HSD17B11: variants seen among roughly 807,000 people sequenced by gnomAD.
HSD17B11 encodes the protein estradiol 17-beta-dehydrogenase 11.
A neutral mutation model predicts 27.8 loss-of-function variants in HSD17B11; 22 were observed. The ratio of observed to expected loss-of-function variants is 0.79; its 90% confidence interval spans 0.56 to 1.13. The LOEUF is 1.13. HSD17B11 is among the 50% of genes most tolerant of loss of function. The probability of loss-of-function intolerance (pLI) is 0.00; values close to 1 mark genes in which losing one functional copy is unlikely to be tolerated. For missense variants in HSD17B11, 314 were observed against 351.1 expected (o/e 0.89, Z 0.84); for synonymous variants, 117 against 132.8 (o/e 0.88, Z 0.82).
At chr4:87,337,575 A>G (rs539591358) in intron 6 of HSD17B11, among the ~76,000 whole-genome samples, 4 of 152,320 alleles carry the variant, frequency 2.6e-5, no homozygotes, top group Non-Finnish European at 2.9e-5. Flanking sequence ...CCTTCTTTAC[A>G]GTAGAATAAC....
chr4:87,384,495 G>A (rs113040352), intron 1 of HSD17B11, among the ~76,000 whole-genome samples: 1 of 152,158 alleles, frequency 6.6e-6, no homozygotes, highest in Non-Finnish European at 1.5e-5. Flanking sequence ...ATAAACGGAT[G>A]TGCAAGTAGG....
At chr4:87,356,738 A>G (rs748836768) in intron 5 of HSD17B11, among the ~76,000 whole-genome samples, 2 of 152,236 alleles carry the variant, frequency 1.3e-5, no homozygotes, top group Non-Finnish European at 2.9e-5. Context: ...TTAATCCTTT[A>G]TAATTTTATT....
chr4:87,371,081 G>A (rs1043198416), intron 4 of HSD17B11, among the ~76,000 whole-genome samples: 1 of 151,884 alleles, frequency 6.6e-6, no homozygotes, highest in Non-Finnish European at 1.5e-5. Flanking sequence ...TACAGATGAG[G>A]GAAATGAAGC....
chr4:87,365,229 G>A (rs1303388332), intron 4 of HSD17B11, among the ~76,000 whole-genome samples: 1 of 152,130 alleles, frequency 6.6e-6, no homozygotes, highest in Non-Finnish European at 1.5e-5. Context: ...TATTTATAGT[G>A]TATGTTTATA....
chr4:87,340,108 A>T (rs748060021), intron 6 of HSD17B11, among the ~76,000 whole-genome samples: 1 of 152,196 alleles, frequency 6.6e-6, no homozygotes, highest in Non-Finnish European at 1.5e-5. Context: ...CACAAAACAA[A>T]AGCTCAATGA....
chr4:87,367,473 T>C (rs1464587201), intron 4 of HSD17B11, among the ~76,000 whole-genome samples: 2 of 152,216 alleles, frequency 1.3e-5, no homozygotes, highest in Non-Finnish European at 2.9e-5. Context: ...TTACCTGAGA[T>C]TCCTTATAAA....
intron 4 of HSD17B11, among the ~76,000 whole-genome samples, chr4:87,372,112 A>G (rs1735728376): frequency 6.6e-6 from 1 of 151,928 alleles, no homozygotes; most frequent in Non-Finnish European, 1.5e-5. Context: ...GCGTGGTGGC[A>G]GGCACCTGTA....
At chr4:87,370,755 A>ATTATTTTTT (rs70957229) in intron 4 of HSD17B11, among the ~76,000 whole-genome samples, 2 of 57,534 alleles carry the variant, frequency 3.5e-5, no homozygotes, top group Non-Finnish European at 6.6e-5. Flanking sequence ...TATTATTATT[A>ATTATTTTTT]TTTTTTTTTT....
rs560875844 is a variant in HSD17B11 at position 87,369,794 on chromosome 4, C to T, written c.557+2915G>A. On this transcript the variant is annotated intron_variant, in intron 4 of 6. Transcript: ENST00000358290. The stretch of plus-strand genomic sequence containing the variant: ...AGCTAATGTTCAGAACTCAGTTTTA[C>T]TGAGCGTTCCCATACTGGCAACTTT... 9.2e-5 allele frequency among the ~76,000 whole-genome samples: 14 copies of T among 152,288 alleles called. No individual in the cohort carries two copies. The South Asian group carries it at 2.9e-3, about 32-fold the overall frequency.
intron 2 of HSD17B11, among the ~76,000 whole-genome samples, 160 bp from the exon 3 acceptor site, chr4:87,374,990 T>A (rs1735791183): frequency 6.6e-6 from 1 of 151,646 alleles, no homozygotes; most frequent in South Asian, 2.1e-4. Flanking sequence ...ACCTCCCGGG[T>A]TCAAGAGATT....
chr4:87,375,098 C>T (rs1461298378), intron 2 of HSD17B11, among the ~76,000 whole-genome samples: 1 of 152,080 alleles, frequency 6.6e-6, no homozygotes, highest in East Asian at 1.9e-4. Flanking sequence ...TGGATTTCAC[C>T]ATGTTAGCTA....
At position 87,372,739 on chromosome 4, in the gene HSD17B11, T is replaced by C. The variant is rs748027042; in HGVS notation, c.527A>G (p.His176Arg). The C allele has an allele frequency of 2.2e-5, 35 of 1,613,206 alleles. No individual in the cohort carries two copies. In the East Asian group the frequency reaches 7.8e-4, roughly 36 times the overall value. Residue 176 changes from histidine to arginine, a missense_variant, in exon 4 of 7, where the codon CAT becomes CGT. By Grantham distance (29) the His-to-Arg change is conservative. Coordinates refer to ENST00000358290, the MANE Select transcript of HSD17B11 (RefSeq NM_016245.5). ...AGCCAGTAAGAAGGGGACCGAGACA[T>C]GTCCAGCTGCCGAAGCCACAGTGAC... Reference protein sequence around the residue: ...HIVTVASAAGHVSVPFLLAYC... With the variant: ...HIVTVASAAGRVSVPFLLAYC...
intron 5 of HSD17B11, among the ~76,000 whole-genome samples, chr4:87,353,598 T>C (rs542112763): frequency 6.6e-6 from 1 of 152,292 alleles, no homozygotes; most frequent in Non-Finnish European, 1.5e-5. Context: ...TTTCACACTT[T>C]TCCTCCAGAG....
intron 6 of HSD17B11, among the ~76,000 whole-genome samples, chr4:87,339,764 C>T (rs1448393390): frequency 6.6e-6 from 1 of 152,160 alleles, no homozygotes; most frequent in East Asian, 1.9e-4. Flanking sequence ...CTCTCAAAGC[C>T]CAGGCCACAC....
intron 2 of HSD17B11, among the ~76,000 whole-genome samples, chr4:87,379,867 A>G (rs1720086118): frequency 1.3e-5 from 1 of 77,070 alleles, no homozygotes; most frequent in South Asian, 2.6e-4. Context: ...TATATGTATT[A>G]TACTATTAAT....
intron 3 of HSD17B11, chr4:87,373,107 A>AG: frequency 3.6e-6 from 1 of 277,388 alleles, no homozygotes; most frequent in Non-Finnish European, 6.9e-6. Context: ...TGGGAGGCCA[A>AG]CTCGGGCAGA....
At chr4:87,378,936 A>ATT (rs1720043604) in intron 2 of HSD17B11, among the ~76,000 whole-genome samples, 1 of 23,626 alleles carries the variant, frequency 4.2e-5, no homozygotes, top group Non-Finnish European at 7.0e-5. Flanking sequence ...ATAAATATAT[A>ATT]TATATATATA....
intron 5 of HSD17B11, among the ~76,000 whole-genome samples, chr4:87,355,911 A>G (rs905035442): frequency 2.0e-5 from 3 of 151,814 alleles, no homozygotes; most frequent in African/African-American, 7.3e-5. Flanking sequence ...CTCAAAAAAA[A>G]CAAAAAACAA....
rs1720022683 is a variant in HSD17B11 at position 87,378,891 on chromosome 4, TATAAATATATATAA to T, written c.318+3350_318+3363del. Among the ~76,000 whole-genome samples, 3 of 8,432 alleles carry T rather than the reference TATAAATATATATAA, an allele frequency of 3.6e-4. 1 individual carries two copies. The highest frequency in any genetic ancestry group is 5.6e-4 in the Non-Finnish European group (3 of 5,344). 5.5% of individuals were successfully genotyped at this position (8,432 alleles called of 152,430 possible). ...AAATATATATATATAAATATATATA[TATAAATATATATAA>T]ATATATATATATAAATATATATAAA... is the stretch of plus-strand genomic sequence containing the variant. On this transcript the variant is annotated intron_variant, in intron 2 of 6. Transcript: ENST00000358290.
Sources: allele counts gnomAD v4.1 joint callset (sites outside exome capture counted in the v4.1 genomes callset), GRCh38; gene constraint gnomAD v4.1.1; transcripts MANE v1.5; gene names NCBI Gene and HGNC (gene_info 2026-07-23, HGNC 2026-07-21).